Variants in BCL9L observed in about 807,000 individuals in gnomAD.
The protein encoded by BCL9L is B-cell CLL/lymphoma 9-like protein.
Under a neutral mutation model 99.4 loss-of-function variants are expected in BCL9L, and 19 were observed. The ratio of observed to expected loss-of-function variants is 0.19; its 90% CI spans 0.13 to 0.28. The LOEUF (loss-of-function observed/expected upper bound fraction) is 0.28. Ranked by LOEUF, BCL9L falls within the 10% of genes least tolerant of loss-of-function variation. The probability of loss-of-function intolerance (pLI) is 1.00; values close to 1 mark genes in which losing one functional copy is unlikely to be tolerated. For synonymous variants in BCL9L, 900 were observed against 854.8 expected, an observed-to-expected ratio of 1.05 and a Z score of -0.92; for missense variants, 2,023 against 2,101.6, an observed-to-expected ratio of 0.96 and a Z score of 0.73.
At position 118,902,576 on chromosome 11, in the gene BCL9L, C is replaced by T. The variant is rs1300772729; in HGVS notation, c.1167G>A (p.Gly389=). The part of the protein sequence containing the change: ...LLGEAAAPGN[G]QRSLVGSEGL... ...CCTCTGAGCCCACCAGGCTGCGCTG[C>T]CCATTTCCAGGGGCGGCTGCCTCCC... The change falls in exon 8 of 10, where the codon GGG becomes GGA. Residue 389 remains glycine, a synonymous_variant. Coordinates refer to ENST00000683865, the MANE Select transcript of BCL9L (RefSeq NM_001378213.1). The surrounding 1 kb of genome is among the most constrained non-coding windows in gnomAD (Gnocchi z 7.8). 37 of 1,600,918 alleles carry T rather than the reference C, an allele frequency of 2.3e-5. No homozygotes were observed. The highest frequency in any genetic ancestry group is 3.3e-4 in the Middle Eastern group (2 of 6,080).
At chr11:118,924,319 CCCCAGA>C (rs1941225342) in intron 1 of BCL9L, among the ~76,000 whole-genome samples, 1 of 141,842 alleles carries the variant, frequency 7.1e-6, no homozygotes, top group African/African-American at 2.8e-5. Context: ...GCAGAGGTTC[CCCCAGA>C]CACAGACACA....
intron 1 of BCL9L, among the ~76,000 whole-genome samples, chr11:118,923,045 A>G (rs576432481): frequency 1.9e-4 from 29 of 152,066 alleles, no homozygotes; most frequent in African/African-American, 7.0e-4. Flanking sequence ...GAGGGGCTGC[A>G]GAGCTGGGTG....
chr11:118,909,307 A>C (rs1429795122), intron 3 of BCL9L, among the ~76,000 whole-genome samples: 1 of 152,118 alleles, frequency 6.6e-6, no homozygotes, highest in Non-Finnish European at 1.5e-5. Flanking sequence ...GCTTGAAGCC[A>C]AGGATTCCTG....
At position 118,899,933 on chromosome 11, in the gene BCL9L, C is replaced by CGGT. The variant is rs1025164271; in HGVS notation, c.3387_3389dup (p.Pro1130dup). The stretch of plus-strand genomic sequence containing the variant: ...TCCTCGCACCTGGCCCGGAGCCCTG[C>CGGT]GGTGGTGGTGGGGGGGGCAGCAGGG... On this transcript the variant is annotated inframe_insertion, in exon 9 of 10. Transcript: ENST00000683865. 6.2e-6 allele frequency: 10 copies of CGGT among 1,612,952 alleles called. No individual in the cohort carries two copies. The highest frequency in any genetic ancestry group is 8.5e-6 in the Non-Finnish European group (10 of 1,179,726).
intron 2 of BCL9L, chr11:118,910,985 C>T: frequency 3.7e-6 from 1 of 271,180 alleles, no homozygotes; most frequent in Non-Finnish European, 7.5e-6. Context: ...GGGGCACGCG[C>T]AGACACCGGG....
intron 5 of BCL9L, among the ~76,000 whole-genome samples, chr11:118,907,256 C>T (rs561785169): frequency 6.6e-6 from 1 of 152,322 alleles, no homozygotes; most frequent in East Asian, 1.9e-4. Context: ...AGAAGGAGGC[C>T]ACTCCACTCT....
chr11:118,907,341 G>T, intron 5 of BCL9L, 142 bp downstream of exon 5: 1 of 1,404,232 alleles, frequency 7.1e-7, no homozygotes, highest in South Asian at 1.3e-5. Flanking sequence ...TGCAGTGTAG[G>T]GAGGGACAGA....
At chr11:118,899,600 G>C (rs1018299782) in intron 9 of BCL9L, 92 bp from the exon 10 acceptor site, 1 of 1,490,244 alleles carries the variant, frequency 6.7e-7, no homozygotes, top group Non-Finnish European at 9.1e-7. Context: ...AAGCCAGGGG[G>C]TGCCAGAGGT....
rs903628391 is a variant in BCL9L at position 118,911,248 on chromosome 11, T to C, written c.-76-1233A>G. 1.5e-5 allele frequency: 7 copies of C among 455,744 alleles called. 1 individual carries two copies. Among genetic ancestry groups the C allele is most frequent in the Admixed American group, 1.4e-4 (6 of 42,546 alleles). 28.2% of individuals were successfully genotyped at this position (455,744 alleles called of 1,614,324 possible). A position where few individuals can be genotyped will look rare whatever the true frequency, so the allele number is the denominator to read the frequency against. ...CGATCCCGGTCAAAGGGGAGGAGTCTTGGGCCCAGGAGCTTCGTCCCGGTG... is the reference window on the plus strand; with the variant it reads ...CGATCCCGGTCAAAGGGGAGGAGTCCTGGGCCCAGGAGCTTCGTCCCGGTG... On this transcript the variant is annotated intron_variant, in intron 2 of 9. Coordinates refer to ENST00000683865, the MANE Select transcript of BCL9L (RefSeq NM_001378213.1).
rs1941261870 is a variant in BCL9L at position 118,925,713 on chromosome 11, G to A, written c.-606C>T. The A allele has an allele frequency of 6.6e-6, 1 of 150,946 alleles. No individual in the cohort carries two copies. The highest frequency in any genetic ancestry group is 2.4e-5 in the African/African-American group (1 of 41,260). The allele number at this position is 150,946 out of a possible 1,614,324, so 9.4% of individuals were successfully genotyped here. A position where few individuals can be genotyped will look rare whatever the true frequency, so the allele number is the denominator to read the frequency against. ...GCTTATTGTTGGTCGGACTCCGAGG[G>A]TCCGGGTCACAGCCCCCGGGCGGCG... On this transcript the variant is annotated 5_prime_UTR_variant, in exon 1 of 10. Coordinates refer to ENST00000683865, the MANE Select transcript of BCL9L (RefSeq NM_001378213.1). The surrounding 1 kb of genome is among the most constrained non-coding windows in gnomAD (Gnocchi z 6.4).
chr11:118,916,786 T>C (rs2134435948), intron 2 of BCL9L, among the ~76,000 whole-genome samples: 1 of 152,332 alleles, frequency 6.6e-6, no homozygotes, highest in East Asian at 1.9e-4. Context: ...TCCAGGGCCC[T>C]GAGGTGTTCC....
chr11:118,902,539 C>T lies in BCL9L; in HGVS notation c.1204G>A (p.Glu402Lys). 6.2e-7 allele frequency: 1 copy of T among 1,603,490 alleles called. No homozygotes were observed. The highest frequency in any genetic ancestry group is 8.5e-7 in the Non-Finnish European group (1 of 1,179,878). Residue 402 changes from glutamate (E) to lysine (K), a missense_variant, in exon 8 of 10, where the codon GAG (glutamate) becomes AAG (lysine). Coordinates refer to ENST00000683865, the MANE Select transcript of BCL9L (RefSeq NM_001378213.1). This position sits in a 1 kb window ranked among gnomAD's most constrained non-coding sequence, Gnocchi z 7.8. The stretch of plus-strand genomic sequence containing the variant: ...GACCGTTCCCGATGCTCCAGCTGCT[C>T]TTTGGACAAGCCCTCTGAGCCCACC... ...SLVGSEGLSK[E>K]QLEHRERSLQ...
rs1327652410 is a variant in BCL9L, at chr11:118,914,254, G to T, written c.-76-4239C>A. Among the ~76,000 whole-genome samples, 1 of 152,176 alleles carries T rather than the reference G, an allele frequency of 6.6e-6. No homozygotes were observed. The highest frequency in any genetic ancestry group is 1.9e-4 in the East Asian group (1 of 5,192). ...GTTAATCTGTCCCCTATTTAGGGGG[G>T]TAGGGGTGGCCGAGGAACCTCCTCC... On this transcript the variant is annotated intron_variant, in intron 2 of 9. Coordinates refer to ENST00000683865, the MANE Select transcript of BCL9L (RefSeq NM_001378213.1). This position sits in a 1 kb window ranked among gnomAD's most constrained non-coding sequence, Gnocchi z 4.4.
rs914510622 is a variant in BCL9L at position 118,900,751 on chromosome 11, G to A, written c.2992C>T (p.Pro998Ser). Residue 998 changes from proline to serine, a missense_variant, in exon 8 of 10, where the codon CCT becomes TCT. Pro to Ser is a moderately conservative substitution (Grantham distance 74). This residue lies in a region of BCL9L where 902 missense variants were observed against 888.2 expected (regional missense o/e 1.02). Coordinates refer to ENST00000683865, the MANE Select transcript of BCL9L (RefSeq NM_001378213.1). This position sits in a 1 kb window ranked among gnomAD's most constrained non-coding sequence, Gnocchi z 5.3. ...PTGSPSRLKSPSMAVPSPGWV... is the reference protein window; with the variant it reads ...PTGSPSRLKSSSMAVPSPGWV... ...CCTGGAGAAGGCACCGCCATGGAAG[G>A]AGACTTGAGCCTGCTGGGCGAGCCA... 5.6e-6 allele frequency: 9 copies of A among 1,613,746 alleles called. No individual in the cohort carries two copies. The highest frequency in any genetic ancestry group is 1.3e-5 in the African/African-American group (1 of 74,920).
chr11:118,904,632 G>A (rs943075570), intron 5 of BCL9L, among the ~76,000 whole-genome samples: 1 of 152,098 alleles, frequency 6.6e-6, no homozygotes, highest in Admixed American at 6.5e-5. Flanking sequence ...AGACCCATTC[G>A]CATGCCAAGA....
In BCL9L at chr11:118,922,717, CGGGCAGTGCCCA is replaced by C. The variant is rs1167314675; in HGVS notation, c.-131+2509_-131+2520del. Among the ~76,000 whole-genome samples, 1 of 152,100 alleles carries C rather than the reference CGGGCAGTGCCCA, an allele frequency of 6.6e-6. No homozygotes were observed. Among genetic ancestry groups the C allele is most frequent in the African/African-American group, 2.4e-5 (1 of 41,406 alleles). ...CCTCCCCCCATCGGAGGTCAGCACC[CGGGCAGTGCCCA>C]GGGCTCTGGCACAAGGAAGGAAGGG... On this transcript the variant is annotated intron_variant, in intron 1 of 9. Transcript: ENST00000683865. This position sits in a 1 kb window ranked among gnomAD's most constrained non-coding sequence, Gnocchi z 6.2.
chr11:118,909,145 A>C (rs1162437277), intron 3 of BCL9L, among the ~76,000 whole-genome samples: 1 of 152,180 alleles, frequency 6.6e-6, no homozygotes, highest in Non-Finnish European at 1.5e-5. Flanking sequence ...TTCCCCAGGG[A>C]CAGTGGGAAA....
At chr11:118,907,462 C>G in intron 5 of BCL9L, 21 bp downstream of exon 5, 3 of 1,614,116 alleles carry the variant, frequency 1.9e-6, no homozygotes, top group Admixed American at 1.7e-5. Context: ...CTACAGCACC[C>G]TGGCATCGAC....
In BCL9L at chr11:118,921,580, G is replaced by C. The variant is rs1488160563; in HGVS notation, c.-130-2701C>G. ...GAGGAGGAACGGGAACGGACAGAGG[G>C]AGTCCCAGCTCTGGTGGAAGGGGGC... On this transcript the variant is annotated intron_variant, in intron 1 of 9. Coordinates refer to ENST00000683865, the MANE Select transcript of BCL9L (RefSeq NM_001378213.1). The surrounding 1 kb of genome is among the most constrained non-coding windows in gnomAD (Gnocchi z 5.4). Among the ~76,000 whole-genome samples, 1 of 152,104 alleles carries C rather than the reference G, an allele frequency of 6.6e-6. No homozygotes were observed. Among genetic ancestry groups the C allele is most frequent in the Admixed American group, 6.5e-5 (1 of 15,272 alleles).
Sources: gnomAD v4.1 joint callset for allele counts (sites outside exome capture counted in the v4.1 genomes callset) on GRCh38, gnomAD v4.1.1 for gene constraint, gnomAD v4.1.1 regional missense constraint, Gnocchi (gnomAD v3.1) non-coding constraint, MANE v1.5 for transcripts, NCBI Gene and HGNC (gene_info 2026-07-23, HGNC 2026-07-21) for gene names.